Variants in EIF2S3B observed in about 807,000 individuals in gnomAD.
EIF2S3B encodes eukaryotic translation initiation factor 2 subunit gamma B.
Under a neutral mutation model 26.4 loss-of-function variants are expected in EIF2S3B, and 16 were observed. The observed-to-expected ratio is 0.61, with a 90% CI of 0.41 to 0.92. EIF2S3B has a LOEUF of 0.92. EIF2S3B is among the 40% of genes least tolerant of loss of function. EIF2S3B has a pLI of 0.00. For synonymous variants in EIF2S3B, 183 were observed against 204.4 expected, an observed-to-expected ratio of 0.90 and a Z score of 0.89; for missense variants, 510 against 575.5, an observed-to-expected ratio of 0.89 and a Z score of 1.16.
chr12:10,516,365 A>G (rs1864757656), intron 1 of EIF2S3B, among the ~76,000 whole-genome samples: 1 of 152,108 alleles, frequency 6.6e-6, no homozygotes, highest in Non-Finnish European at 1.5e-5. Context: ...GGTTACTGCA[A>G]CAGTATGCCA....
At chr12:10,515,831 T>C (rs1268419760) in intron 1 of EIF2S3B, among the ~76,000 whole-genome samples, 4 of 151,614 alleles carry the variant, frequency 2.6e-5, no homozygotes, top group Non-Finnish European at 5.9e-5. Flanking sequence ...TACATGTATA[T>C]ATATGTGTGT....
Position 10,506,287 on chromosome 12 carries a change from C to T in EIF2S3B, c.385C>T (p.His129Tyr), listed in dbSNP as rs776888714. 2 of 1,613,968 alleles carry T rather than the reference C, an allele frequency of 1.2e-6. No individual in the cohort carries two copies. Among genetic ancestry groups the T allele is most frequent in the Non-Finnish European group, 8.5e-7 (1 of 1,179,864 alleles). The part of the protein sequence containing the change: ...GTKGNFRLVR[H>Y]VSFVDCPGHD... ...CAAAGGGAACTTCAGATTAGTCAGA[C>T]ATGTTTCCTTTGTTGACTGTCCTGG... The change falls in exon 1 of 1, where the codon CAT becomes TAT. Residue 129 changes from histidine to tyrosine, a missense_variant. Transcript: ENST00000538173.
chr12:10,514,405 T>G (rs1864734740), intron 1 of EIF2S3B, among the ~76,000 whole-genome samples: 1 of 152,172 alleles, frequency 6.6e-6, no homozygotes, highest in African/African-American at 2.4e-5. Context: ...TGTTTTCAAA[T>G]ACTTATTATA....
At chr12:10,519,520 A>G (rs1864806298) in intron 1 of EIF2S3B, among the ~76,000 whole-genome samples, 2 of 152,078 alleles carry the variant, frequency 1.3e-5, no homozygotes, top group Non-Finnish European at 2.9e-5. Context: ...GGATCTAATT[A>G]AACTAAAGAG....
chr12:10,512,806 T>C (rs887534658), downstream of EIF2S3B, among the ~76,000 whole-genome samples: 1 of 152,218 alleles, frequency 6.6e-6, no homozygotes, highest in Admixed American at 6.5e-5. Context: ...CTCTTGTATA[T>C]AATAATCTCA....
Position 10,507,201 on chromosome 12 carries a change from G to A in EIF2S3B, c.1299G>A (p.Val433=). 6.2e-7 allele frequency: 1 copy of A among 1,613,934 alleles called. No homozygotes were observed. The highest frequency in any genetic ancestry group is 8.5e-7 in the Non-Finnish European group (1 of 1,179,824). The change falls in exon 1 of 1, where the codon GTG becomes GTA. Residue 433 remains valine (V), a synonymous_variant. Coordinates refer to ENST00000538173, the MANE Select transcript of EIF2S3B (RefSeq NM_001357734.3). ...GCAAAATTGTTTTGACCAATCCAGT[G>A]TGCACAGAGGTAGGAGAAAAAATTG... is the stretch of plus-strand genomic sequence containing the variant. ...DLGKIVLTNP[V]CTEVGEKIAL...
chr12:10,509,360 C>T (rs1395034987), downstream of EIF2S3B, among the ~76,000 whole-genome samples: 1 of 152,006 alleles, frequency 6.6e-6, no homozygotes, highest in Non-Finnish European at 1.5e-5. Flanking sequence ...ATATTTCCAA[C>T]AATCTTACCT....
At chr12:10,512,752 T>C (rs1457487588), downstream of EIF2S3B, among the ~76,000 whole-genome samples, 5 of 152,152 alleles carry the variant, frequency 3.3e-5, no homozygotes, top group African/African-American at 1.2e-4. Context: ...ATTCCACTTC[T>C]ATTATCATTT....
chr12:10,509,302 A>T (rs1864682936), downstream of EIF2S3B, among the ~76,000 whole-genome samples: 1 of 152,026 alleles, frequency 6.6e-6, no homozygotes. Flanking sequence ...ATATATAGAC[A>T]CACTTAAATA....
Position 10,506,033 on chromosome 12 carries a change from T to C in EIF2S3B, c.131T>C (p.Ile44Thr), listed in dbSNP as rs778248682. 4 of 1,604,430 alleles carry C rather than the reference T, an allele frequency of 2.5e-6. No individual in the cohort carries two copies. In the East Asian group the frequency reaches 8.9e-5, roughly 36 times the overall value. ...ATCAGCAGACAAGCCACAATTAATA[T>C]AGGTACAATTGGTCATGTAGCTCAT... ...EVISRQATIN[I>T]GTIGHVAHGK... The change falls in exon 1 of 1, where the codon ATA becomes ACA. Residue 44 changes from isoleucine to threonine, a missense_variant. By Grantham distance (89) the Ile-to-Thr change is moderately conservative. Transcript: ENST00000538173.
rs1864656291 is a variant in EIF2S3B at position 10,507,679 on chromosome 12, G to A, written c.*358G>A. On this transcript the variant is annotated 3_prime_UTR_variant, in exon 1 of 1. Coordinates refer to ENST00000538173, the MANE Select transcript of EIF2S3B (RefSeq NM_001357734.3). ...TGTAGTGGCATGATCTGCAATCTCT[G>A]CCTCCCAGGTTCAAGCGATTCTCCT... is the stretch of plus-strand genomic sequence containing the variant. Among the ~76,000 whole-genome samples, 1 of 152,098 alleles carries A rather than the reference G, an allele frequency of 6.6e-6. No homozygotes were observed. Among genetic ancestry groups the A allele is most frequent in the South Asian group, 2.1e-4 (1 of 4,824 alleles).
chr12:10,512,064 A>G (rs1864710167), downstream of EIF2S3B, among the ~76,000 whole-genome samples: 1 of 152,144 alleles, frequency 6.6e-6, no homozygotes, highest in South Asian at 2.1e-4. Flanking sequence ...TCAGCAATCC[A>G]CTCCAATATC....
At chr12:10,518,987 T>C (rs1207779128) in intron 1 of EIF2S3B, among the ~76,000 whole-genome samples, 1 of 151,736 alleles carries the variant, frequency 6.6e-6, no homozygotes, top group African/African-American at 2.4e-5. Flanking sequence ...ATGACTTTCT[T>C]CACAGAATTG....
intron 1 of EIF2S3B, among the ~76,000 whole-genome samples, chr12:10,520,562 G>A (rs1349271130): frequency 6.6e-6 from 1 of 151,832 alleles, no homozygotes; most frequent in African/African-American, 2.4e-5. Context: ...AAATATATAT[G>A]AACATAATTA....
Position 10,521,496 on chromosome 12 carries a change from T to A in EIF2S3B, c.1309-1107T>A, listed in dbSNP as rs566961511. 6.6e-5 allele frequency among the ~76,000 whole-genome samples: 10 copies of A among 152,248 alleles called. No homozygotes were observed. The South Asian group carries it at 8.3e-4, about 13-fold the overall frequency. Reference sequence around the variant, plus strand: ...AGTCTTTAGTTCAAATCCATATATGTGTATATATGTACATATCTATATCCA... The same window carrying A: ...AGTCTTTAGTTCAAATCCATATATGAGTATATATGTACATATCTATATCCA... On this transcript the variant is annotated intron_variant, in intron 1 of 1. Transcript: ENST00000322446.
At chr12:10,520,155 A>G (rs1227659777) in intron 1 of EIF2S3B, among the ~76,000 whole-genome samples, 1 of 150,568 alleles carries the variant, frequency 6.6e-6, no homozygotes, top group African/African-American at 2.4e-5. Context: ...TGTGGCACAT[A>G]TACACCATGG....
chr12:10,513,267 C>T (rs1234978135), downstream of EIF2S3B, among the ~76,000 whole-genome samples: 1 of 152,200 alleles, frequency 6.6e-6, no homozygotes, highest in Non-Finnish European at 1.5e-5. Flanking sequence ...TCATGCTCCT[C>T]TGGGAGAATC....
At chr12:10,513,514 T>G (rs1864725683), downstream of EIF2S3B, among the ~76,000 whole-genome samples, 1 of 152,212 alleles carries the variant, frequency 6.6e-6, no homozygotes, top group East Asian at 1.9e-4. Flanking sequence ...ATTATCCCAT[T>G]AATGGTTATT....
At chr12:10,516,925 G>A (rs1363897811) in intron 1 of EIF2S3B, among the ~76,000 whole-genome samples, 17 of 150,074 alleles carry the variant, frequency 1.1e-4, no homozygotes, top group Admixed American at 3.3e-4. Context: ...ATTGATTTGC[G>A]TATATTGAAC....
Sources: allele counts gnomAD v4.1 joint callset (sites outside exome capture counted in the v4.1 genomes callset), GRCh38; gene constraint gnomAD v4.1.1; transcripts MANE v1.5; gene names NCBI Gene and HGNC (gene_info 2026-07-23, HGNC 2026-07-21).